Variants in UBN2 observed in about 807,000 individuals in gnomAD.
UBN2 encodes ubinuclein 2, also known as ubinuclein-2.
Under a neutral mutation model 120.2 loss-of-function variants are expected in UBN2, and 35 were observed. The observed-to-expected ratio is 0.29, with a 90% confidence interval of 0.22 to 0.39. The LOEUF (loss-of-function observed/expected upper bound fraction) is 0.39. UBN2 is among the 10% of genes least tolerant of loss of function. UBN2 has a pLI of 1.00. For synonymous variants in UBN2, 661 were observed against 648.7 expected, an observed-to-expected ratio of 1.02 and a Z score of -0.29; for missense variants, 1,693 against 1,663.2, an observed-to-expected ratio of 1.02 and a Z score of -0.31.
intron 1 of UBN2, among the ~76,000 whole-genome samples, chr7:139,232,275 C>T (rs1796046479): frequency 6.6e-6 from 1 of 152,242 alleles, no homozygotes; most frequent in Admixed American, 6.5e-5. Flanking sequence ...CACACAAAAT[C>T]CTGGGGCCCT....
intron 15 of UBN2, among the ~76,000 whole-genome samples, chr7:139,285,142 G>C (rs78024474): frequency 4.5e-4 from 69 of 152,100 alleles, no homozygotes; most frequent in African/African-American, 1.6e-3. Flanking sequence ...TTATACCACA[G>C]TTTTCCCGTT....
chr7:139,308,077 G>C lies in UBN2; in HGVS notation c.*10241G>C, dbSNP rs891818105. On this transcript the variant is annotated 3_prime_UTR_variant, in exon 18 of 18. Transcript: ENST00000473989. ...CAACAGCCTTGCTCATATTCCAGGTGTAGCTAGCAAACCCCTGTTTTTGAA... is the reference window on the plus strand; with the variant it reads ...CAACAGCCTTGCTCATATTCCAGGTCTAGCTAGCAAACCCCTGTTTTTGAA... 4.0e-5 allele frequency: 6 copies of C among 148,816 alleles called. No homozygotes were observed. Among genetic ancestry groups the C allele is most frequent in the African/African-American group, 1.5e-4 (6 of 40,168 alleles). The allele number at this position is 148,816 out of a possible 1,614,324, so 9.2% of individuals were successfully genotyped here. A position where few individuals can be genotyped will look rare whatever the true frequency, so the allele number is the denominator to read the frequency against.
intron 1 of UBN2, among the ~76,000 whole-genome samples, chr7:139,233,360 A>G (rs561131918): frequency 1.3e-5 from 2 of 152,306 alleles, no homozygotes; most frequent in South Asian, 2.1e-4. Flanking sequence ...TTTTTCAAAC[A>G]TTGTATTTGA....
At chr7:139,246,074 G>A (rs771823601) in intron 2 of UBN2, among the ~76,000 whole-genome samples, 54 of 152,072 alleles carry the variant, frequency 3.6e-4, no homozygotes, top group Non-Finnish European at 7.6e-4. Flanking sequence ...GGATAAATTT[G>A]AGGAAAGAGG....
chr7:139,264,705 C>T (rs576513841), intron 6 of UBN2, among the ~76,000 whole-genome samples: 4 of 152,300 alleles, frequency 2.6e-5, no homozygotes, highest in South Asian at 4.1e-4. Context: ...TCTCCTGCCT[C>T]AGCCTCCCAG....
At chr7:139,270,664 G>T (rs1018857937) in intron 8 of UBN2, among the ~76,000 whole-genome samples, 1 of 152,128 alleles carries the variant, frequency 6.6e-6, no homozygotes, top group Non-Finnish European at 1.5e-5. Context: ...TGGATATTTG[G>T]GTTGTTTCCA....
At chr7:139,264,135 C>G (rs1390064651) in intron 6 of UBN2, among the ~76,000 whole-genome samples, 1 of 152,014 alleles carries the variant, frequency 6.6e-6, no homozygotes, top group Non-Finnish European at 1.5e-5. Flanking sequence ...ACTGTTTTTG[C>G]CTTCACCAAA....
At chr7:139,244,913 A>G (rs1796424059) in intron 2 of UBN2, among the ~76,000 whole-genome samples, 1 of 151,898 alleles carries the variant, frequency 6.6e-6, no homozygotes, top group Non-Finnish European at 1.5e-5. Flanking sequence ...ATATTAATAA[A>G]TACTCTCTAT....
At position 139,288,533 on chromosome 7, in the gene UBN2, G is replaced by A. The variant is rs116926053; in HGVS notation, c.3669+3959G>A. Among the ~76,000 whole-genome samples, 33 of 152,266 alleles carry A rather than the reference G, an allele frequency of 2.2e-4. No homozygotes were observed. The South Asian group carries it at 4.6e-3, about 21-fold the overall frequency. ...GAGAGACCAGAACCATGTCATGGAGGACCTTGTGGACCACAGTAAGGACTT... is the reference window on the plus strand; with the variant it reads ...GAGAGACCAGAACCATGTCATGGAGAACCTTGTGGACCACAGTAAGGACTT... On this transcript the variant is annotated intron_variant, in intron 15 of 17. Coordinates refer to ENST00000473989, the MANE Select transcript of UBN2 (RefSeq NM_173569.4).
chr7:139,259,286 A>T lies in UBN2; in HGVS notation c.821A>T (p.Asp274Val). Residue 274 changes from aspartate (D) to valine (V), a missense_variant, in exon 5 of 18, where the codon GAT (aspartate) becomes GTT (valine). Around this residue, in one of 5 missense-constraint regions of UBN2, gnomAD observed 663 missense variants for 591.2 expected, o/e 1.12. Coordinates refer to ENST00000473989, the MANE Select transcript of UBN2 (RefSeq NM_173569.4). Reference protein sequence around the residue: ...KPPKVPKIKEDDIEMKKRKRK... With the variant: ...KPPKVPKIKEVDIEMKKRKRK... ...TTGCAGGTCCCCAAAATAAAAGAAGATGATATTGAGATGAAGAAGCGGAAG... is the reference window on the plus strand; with the variant it reads ...TTGCAGGTCCCCAAAATAAAAGAAGTTGATATTGAGATGAAGAAGCGGAAG... 2 of 1,613,580 alleles carry T rather than the reference A, an allele frequency of 1.2e-6. No individual in the cohort carries two copies. The highest frequency in any genetic ancestry group is 1.7e-6 in the Non-Finnish European group (2 of 1,179,790).
At position 139,267,495 on chromosome 7, in the gene UBN2, C is replaced by CACTGT. The variant is rs540326875; in HGVS notation, c.1466+1095_1466+1099dup. 1.3e-3 allele frequency among the ~76,000 whole-genome samples: 190 copies of CACTGT among 148,186 alleles called. 1 individual carries two copies. The highest frequency in any genetic ancestry group is 4.6e-3 in the African/African-American group (183 of 39,804). On this transcript the variant is annotated intron_variant, in intron 7 of 17. Coordinates refer to ENST00000473989, the MANE Select transcript of UBN2 (RefSeq NM_173569.4). ...AGCCTGCAGTGAACTGTGTTCATGC[C>CACTGT]ACTGTACCCCAACCTGGGTGATAGG... is the stretch of plus-strand genomic sequence containing the variant.
At chr7:139,254,376 T>C (rs975798460) in intron 3 of UBN2, among the ~76,000 whole-genome samples, 4 of 152,226 alleles carry the variant, frequency 2.6e-5, no homozygotes, top group Non-Finnish European at 5.9e-5. Flanking sequence ...AGTAACATAT[T>C]GCCAGTGCCC....
intron 3 of UBN2, among the ~76,000 whole-genome samples, chr7:139,255,006 G>C (rs2130966956): frequency 6.6e-6 from 1 of 152,242 alleles, no homozygotes; most frequent in Admixed American, 6.5e-5. Flanking sequence ...TGTACACTTT[G>C]TGGGTTTGGA....
chr7:139,287,884 T>G (rs1461499443), intron 15 of UBN2, among the ~76,000 whole-genome samples: 1 of 152,192 alleles, frequency 6.6e-6, no homozygotes, highest in Non-Finnish European at 1.5e-5. Context: ...AGCATTCACC[T>G]TCTGTCTGAA....
chr7:139,261,848 G>T, intron 6 of UBN2, 107 bp downstream of exon 6: 93 of 1,143,932 alleles, frequency 8.1e-5, no homozygotes, highest in South Asian at 4.4e-4. Context: ...AATTGCTTTT[G>T]TTTTTTAAAG....
At chr7:139,240,465 TAAATAATTATTTGGAATC>T (rs1796291968) in intron 2 of UBN2, among the ~76,000 whole-genome samples, 1 of 145,334 alleles carries the variant, frequency 6.9e-6, no homozygotes, top group African/African-American at 2.5e-5. Context: ...TTTTTTTTTT[TAAATAATTATTTGGAATC>T]TTTTAAGAAA....
Position 139,283,307 on chromosome 7 carries a change from T to A in UBN2, c.2402T>A (p.Leu801Gln). The A allele has an allele frequency of 3.1e-6, 5 of 1,613,934 alleles. No homozygotes were observed. The highest frequency in any genetic ancestry group is 4.2e-6 in the Non-Finnish European group (5 of 1,180,000). The change falls in exon 15 of 18, where the codon CTG becomes CAG. Residue 801 changes from leucine (L) to glutamine (Q), a missense_variant. Coordinates refer to ENST00000473989, the MANE Select transcript of UBN2 (RefSeq NM_173569.4). Reference protein sequence around the residue: ...SMPTTKPRPGLREEKLASIMS... With the variant: ...SMPTTKPRPGQREEKLASIMS... The stretch of plus-strand genomic sequence containing the variant: ...CCAACCACAAAGCCTCGTCCAGGAC[T>A]GAGAGAAGAAAAATTAGCAAGTATC...
the UBN2 span, among the ~76,000 whole-genome samples, chr7:139,324,365 C>T: frequency 7.4e-5 from 11 of 148,998 alleles, no homozygotes; most frequent in Non-Finnish European, 1.0e-4. Flanking sequence ...TTCAGGAGAT[C>T]GAGACCACGG....
At chr7:139,293,196 A>C in intron 15 of UBN2, 36 bp from the exon 16 acceptor site, 1 of 1,565,158 alleles carries the variant, frequency 6.4e-7, no homozygotes, top group Non-Finnish European at 8.8e-7. Context: ...GGGTTGCTTT[A>C]TTTCTTATGT....
Sources: allele counts gnomAD v4.1 joint callset (sites outside exome capture counted in the v4.1 genomes callset), GRCh38; gene constraint gnomAD v4.1.1; regional missense constraint gnomAD v4.1.1; transcripts MANE v1.5; gene names NCBI Gene and HGNC (gene_info 2026-07-23, HGNC 2026-07-21).